Variants in EMSY observed in about 807,000 individuals in gnomAD.
EMSY encodes BRCA2-interacting transcriptional repressor EMSY.
In EMSY, 26 loss-of-function variants were observed where a neutral mutation model predicts 134.6. That is an observed-to-expected ratio of 0.19 (90% CI 0.14 to 0.27). The LOEUF is 0.27. Ranked by LOEUF, EMSY falls within the 10% of genes least tolerant of loss-of-function variation. The probability of loss-of-function intolerance (pLI) is 1.00; values close to 1 mark genes in which losing one functional copy is unlikely to be tolerated. For synonymous variants in EMSY, 579 were observed against 577.8 expected, an observed-to-expected ratio of 1.00 and a Z score of -0.03; for missense variants, 1,305 against 1,611.4, an observed-to-expected ratio of 0.81 and a Z score of 3.26.
In EMSY at chr11:76,496,614, A is replaced by G. The variant is rs1255718213; in HGVS notation, c.1363+145A>G. On this transcript the variant is annotated intron_variant, in intron 9 of 20. Coordinates refer to ENST00000334736, the Ensembl canonical transcript of EMSY. ...GTGTTTTACAGCTTTCAGCATATAG[A>G]TTCTGTATATGTTTTGTTAGATTTG... The G allele has an allele frequency of 5.6e-6, 5 of 894,270 alleles. 1 individual carries two copies. In the Admixed American group the frequency reaches 9.9e-5, roughly 18 times the overall value. The allele number at this position is 894,270 out of a possible 1,614,324, so 55.4% of individuals were successfully genotyped here. A position where few individuals can be genotyped will look rare whatever the true frequency, so the allele number is the denominator to read the frequency against.
At chr11:76,461,164 T>TGA (rs1170545166) in intron 6 of EMSY, 2 of 152,236 alleles carry the variant, frequency 1.3e-5, no homozygotes, top group East Asian at 3.9e-4. Flanking sequence ...AGACAGAAAC[T>TGA]GAGGAAGCCA....
intron 10 of EMSY, among the ~76,000 whole-genome samples, chr11:76,514,955 G>A (rs1371439355): frequency 1.3e-5 from 2 of 151,840 alleles, no homozygotes; most frequent in African/African-American, 2.4e-5. Context: ...ATGTGTCTGT[G>A]TTATAATAAG....
intron 10 of EMSY, among the ~76,000 whole-genome samples, chr11:76,515,621 C>T (rs1372592193): frequency 3.9e-5 from 6 of 152,096 alleles, no homozygotes; most frequent in Non-Finnish European, 8.8e-5. Context: ...ATAACCAACC[C>T]TTTAAAGGTG....
chr11:76,530,155 G>GTTTTT (rs61227279), intron 14 of EMSY, among the ~76,000 whole-genome samples: 2 of 114,346 alleles, frequency 1.7e-5, no homozygotes, highest in Non-Finnish European at 1.7e-5. Flanking sequence ...AATCTTTAGG[G>GTTTTT]TTTTTTTTTT....
chr11:76,483,719 C>T (rs1019151467), intron 8 of EMSY, among the ~76,000 whole-genome samples: 1 of 152,132 alleles, frequency 6.6e-6, no homozygotes, highest in African/African-American at 2.4e-5. Context: ...TATATATGCA[C>T]CCAATACAGG....
intron 11 of EMSY, among the ~76,000 whole-genome samples, chr11:76,519,748 C>G (rs560139780): frequency 6.6e-6 from 1 of 152,186 alleles, no homozygotes; most frequent in East Asian, 1.9e-4. Context: ...ATTATAATGC[C>G]CAAACTTTTA....
chr11:76,540,530 A>G (rs1281018247), intron 17 of EMSY, among the ~76,000 whole-genome samples: 1 of 152,256 alleles, frequency 6.6e-6, no homozygotes, highest in East Asian at 1.9e-4. Flanking sequence ...GCTGCCTATA[A>G]TCTCAAATCA....
chr11:76,503,382 G>A (rs1949954682), intron 9 of EMSY, among the ~76,000 whole-genome samples: 1 of 151,262 alleles, frequency 6.6e-6, no homozygotes, highest in East Asian at 1.9e-4. Flanking sequence ...CAAACCAATG[G>A]TAATCAAAAC....
exon 21 of EMSY, chr11:76,551,024 A>T (rs932983546): frequency 1.6e-4 from 24 of 152,800 alleles, no homozygotes; most frequent in African/African-American, 5.5e-4. Context: ...CAAATTATTC[A>T]TTCATATGAT....
chr11:76,513,335 A>T, intron 9 of EMSY, 51 bp from the exon 11 acceptor site: 1 of 1,585,908 alleles, frequency 6.3e-7, no homozygotes, highest in African/African-American at 1.3e-5. Context: ...GGTATAAGGG[A>T]CATGTATTTA....
At chr11:76,547,865 G>A (rs1465739610) in intron 20 of EMSY, among the ~76,000 whole-genome samples, 1 of 152,122 alleles carries the variant, frequency 6.6e-6, no homozygotes, top group African/African-American at 2.4e-5. Context: ...TACAGAATTC[G>A]CAGCCAGCTT....
intron 8 of EMSY, among the ~76,000 whole-genome samples, chr11:76,493,704 C>T (rs771695388): frequency 9.2e-5 from 14 of 152,224 alleles, no homozygotes; most frequent in Non-Finnish European, 1.9e-4. Context: ...AGGAGCTACT[C>T]GCTTCGGATC....
intron 7 of EMSY, 60 bp from the exon 9 acceptor site, chr11:76,472,504 A>G: frequency 7.0e-7 from 1 of 1,429,288 alleles, no homozygotes; most frequent in Non-Finnish European, 9.6e-7. Flanking sequence ...ACTAACTGTG[A>G]GTCTAGATAC....
intron 19 of EMSY, 127 bp downstream of exon 20, chr11:76,544,949 C>T (rs891860149): frequency 1.3e-5 from 13 of 1,011,636 alleles, no homozygotes; most frequent in African/African-American, 6.5e-5. Flanking sequence ...AGCCTCATTA[C>T]GCTGGTATTA....
At chr11:76,458,904 T>G (rs1446871115) in intron 5 of EMSY, 1 of 152,180 alleles carries the variant, frequency 6.6e-6, no homozygotes, top group African/African-American at 2.4e-5. Flanking sequence ...ATATTAAATT[T>G]GAGAGAGCAT....
intron 20 of EMSY, 131 bp downstream of exon 21, chr11:76,546,428 G>A (rs1951656266): frequency 7.9e-7 from 1 of 1,269,458 alleles, no homozygotes; most frequent in Admixed American, 2.6e-5. Flanking sequence ...TCTTTGAGAT[G>A]GTGTTTGACA....
At chr11:76,463,344 C>T (rs573196079) in intron 6 of EMSY, among the ~76,000 whole-genome samples, 1 of 150,452 alleles carries the variant, frequency 6.6e-6, no homozygotes, top group South Asian at 2.1e-4. Flanking sequence ...GGGAAGGCAG[C>T]CGGGCGCGGT....
At chr11:76,477,167 A>G (rs2135432808) in intron 8 of EMSY, among the ~76,000 whole-genome samples, 1 of 152,006 alleles carries the variant, frequency 6.6e-6, no homozygotes, top group Middle Eastern at 3.4e-3. Context: ...GTAGTTATTT[A>G]GTTTTTAAGG....
intron 12 of EMSY, among the ~76,000 whole-genome samples, chr11:76,524,826 C>T (rs1353392819): frequency 1.3e-5 from 2 of 152,154 alleles, no homozygotes; most frequent in Admixed American, 1.3e-4. Context: ...GAGTTTGAGA[C>T]CAGCCTGAGC....
Sources: gnomAD v4.1 joint callset for allele counts (sites outside exome capture counted in the v4.1 genomes callset) on GRCh38, gnomAD v4.1.1 for gene constraint, MANE v1.5 for transcripts, NCBI Gene and HGNC (gene_info 2026-07-23, HGNC 2026-07-21) for gene names.